Variants in PCDHA13 observed in about 807,000 individuals in gnomAD.
PCDHA13 encodes the protein protocadherin alpha 13, also known as protocadherin alpha-13.
Under a neutral mutation model 64.8 loss-of-function variants are expected in PCDHA13, and 54 were observed. That is an observed-to-expected ratio of 0.83 (90% CI 0.67 to 1.04). PCDHA13 has a LOEUF of 1.04. Among genes scored for constraint, PCDHA13 ranks in the 50% least tolerant of loss-of-function variants. PCDHA13 has a pLI of 0.00. For missense variants in PCDHA13, 1,248 were observed against 1,254.3 expected (o/e 0.99, Z 0.08); for synonymous variants, 587 against 564.4 (o/e 1.04, Z -0.57).
Position 140,884,229 on chromosome 5 carries a change from A to T in PCDHA13, c.1961A>T (p.His654Leu), listed in dbSNP as rs2060058344. The T allele has an allele frequency of 1.2e-6, 2 of 1,613,258 alleles. No individual in the cohort carries two copies. Residue 654 changes from histidine to leucine, a missense_variant, in exon 1 of 4, where the codon CAC becomes CTC. By Grantham distance (99) the His-to-Leu change is moderately conservative. Coordinates refer to ENST00000289272, the MANE Select transcript of PCDHA13 (RefSeq NM_018904.3). ...CGCCTTCTGGTGCTGGTGAAGGACC[A>T]CGGTGAGCCCGCGCTGACGGCCACG... ...HHRLLVLVKD[H>L]GEPALTATAT...
At chr5:140,952,962 C>A (rs246032) in intron 1 of PCDHA13, among the ~76,000 whole-genome samples, 85,448 of 151,620 alleles carry the variant, frequency 0.56, 24,697 homozygotes, top group African/African-American at 0.69. Context: ...GGAAGTGATA[C>A]ACACTTTTAA....
At chr5:140,971,692 C>G (rs2096492766) in intron 1 of PCDHA13, among the ~76,000 whole-genome samples, 1 of 152,116 alleles carries the variant, frequency 6.6e-6, no homozygotes, top group South Asian at 2.1e-4. Context: ...TTTGTACTCA[C>G]TAACCACCCT....
chr5:140,891,426 C>A lies in PCDHA13; in HGVS notation c.2394+6764C>A, dbSNP rs76102230. On this transcript the variant is annotated intron_variant, in intron 1 of 3. Transcript: ENST00000289272. ...CCACCCCCCACTCTTGCCCCCAAGTCCCCAACGTCCATTGTATAGGATTTT... is the reference window on the plus strand; with the variant it reads ...CCACCCCCCACTCTTGCCCCCAAGTACCCAACGTCCATTGTATAGGATTTT... Among the ~76,000 whole-genome samples, 774 of 148,652 alleles carry A rather than the reference C, an allele frequency of 5.2e-3. 4 individuals are homozygous for A. Among genetic ancestry groups the A allele is most frequent in the African/African-American group, 0.018 (747 of 40,514 alleles).
chr5:140,936,619 T>C (rs2153629684), intron 1 of PCDHA13, among the ~76,000 whole-genome samples: 1 of 152,366 alleles, frequency 6.6e-6, no homozygotes, highest in East Asian at 1.9e-4. Context: ...TACTGTGCAG[T>C]GCTACCTTTG....
intron 3 of PCDHA13, among the ~76,000 whole-genome samples, chr5:140,995,158 A>G (rs1554254485): frequency 6.6e-6 from 1 of 152,180 alleles, no homozygotes; most frequent in African/African-American, 2.4e-5. Flanking sequence ...TATATACATT[A>G]TGTTCTTTCA....
rs73793540 is a variant in PCDHA13, at chr5:140,959,705, G to T, written c.2395-19244G>T. 8.9e-3 allele frequency among the ~76,000 whole-genome samples: 1,358 copies of T among 152,238 alleles called. 14 individuals are homozygous for T. The highest frequency in any genetic ancestry group is 0.032 in the African/African-American group (1,312 of 41,544). On this transcript the variant is annotated intron_variant, in intron 1 of 3. Coordinates refer to ENST00000289272, the MANE Select transcript of PCDHA13 (RefSeq NM_018904.3). ...AATTTCAATAAAATGAGCTTTGAAA[G>T]GGAAAATTTTTAGATAACATTATCT...
chr5:140,909,117 G>T lies in PCDHA13; in HGVS notation c.2394+24455G>T, dbSNP rs576916273. Among the ~76,000 whole-genome samples the T allele has an allele frequency of 1.1e-4, 16 of 152,272 alleles. No homozygotes were observed. The South Asian group carries it at 3.1e-3, about 30-fold the overall frequency. On this transcript the variant is annotated intron_variant, in intron 1 of 3. Transcript: ENST00000289272. ...ACTCACTGGGTCCAATCAGCAAAAT[G>T]TCATCAAGGTAATGAACCAGTGTGA...
intron 1 of PCDHA13, among the ~76,000 whole-genome samples, chr5:140,900,657 C>T (rs116775770): frequency 0.011 from 1,723 of 152,294 alleles, 23 homozygotes; most frequent in African/African-American, 0.039. Context: ...CTGCAATGAA[C>T]AATGGGAGTG....
At chr5:141,003,680 T>C (rs1167133667) in intron 3 of PCDHA13, among the ~76,000 whole-genome samples, 1 of 152,198 alleles carries the variant, frequency 6.6e-6, no homozygotes, top group African/African-American at 2.4e-5. Flanking sequence ...GTTGTTCTGA[T>C]TTTAAAATAT....
At chr5:140,955,187 T>C (rs1230644276) in intron 1 of PCDHA13, among the ~76,000 whole-genome samples, 1 of 152,198 alleles carries the variant, frequency 6.6e-6, no homozygotes, top group Non-Finnish European at 1.5e-5. Flanking sequence ...TTTTGTGGTG[T>C]ATATGAAGTC....
intron 1 of PCDHA13, chr5:140,926,673 A>T (rs998903830): frequency 2.1e-5 from 12 of 580,470 alleles, no homozygotes; most frequent in Non-Finnish European, 3.2e-5. Flanking sequence ...ACGGCTGCCC[A>T]GCCTCCAGCC....
At chr5:140,993,777 G>A (rs1397168086) in intron 3 of PCDHA13, among the ~76,000 whole-genome samples, 1 of 152,042 alleles carries the variant, frequency 6.6e-6, no homozygotes, top group Non-Finnish European at 1.5e-5. Flanking sequence ...GCAGTATTTT[G>A]TACAGTAACA....
At chr5:140,887,263 A>AT (rs1336620900) in intron 1 of PCDHA13, among the ~76,000 whole-genome samples, 1 of 151,790 alleles carries the variant, frequency 6.6e-6, no homozygotes, top group Non-Finnish European at 1.5e-5. Flanking sequence ...CGCCCTGCTA[A>AT]TTTTTTGTAT....
chr5:140,906,486 A>C (rs2072686991), intron 1 of PCDHA13, among the ~76,000 whole-genome samples: 1 of 152,270 alleles, frequency 6.6e-6, no homozygotes, highest in East Asian at 1.9e-4. Context: ...GTATAAATGC[A>C]CAAACATGTT....
intron 3 of PCDHA13, among the ~76,000 whole-genome samples, chr5:140,998,062 C>A (rs2097795439): frequency 6.6e-6 from 1 of 152,176 alleles, no homozygotes; most frequent in Non-Finnish European, 1.5e-5. Flanking sequence ...TCATCATCAA[C>A]AGACTTAGCC....
At chr5:140,931,021 G>C (rs2153606770) in intron 1 of PCDHA13, among the ~76,000 whole-genome samples, 1 of 152,272 alleles carries the variant, frequency 6.6e-6, no homozygotes, top group Admixed American at 6.5e-5. Flanking sequence ...GGAATTTTCT[G>C]ATTGTAGAGC....
intron 3 of PCDHA13, among the ~76,000 whole-genome samples, chr5:141,001,281 A>T (rs1239906088): frequency 6.6e-6 from 1 of 152,168 alleles, no homozygotes; most frequent in African/African-American, 2.4e-5. Context: ...TTTTTTACGG[A>T]TGAAAACTGA....
rs548266069 is a variant in PCDHA13 at position 140,886,217 on chromosome 5, T to G, written c.2394+1555T>G. Among the ~76,000 whole-genome samples, 388 of 152,238 alleles carry G rather than the reference T, an allele frequency of 2.5e-3. 1 individual carries two copies. Among genetic ancestry groups the G allele is most frequent in the African/African-American group, 9.1e-3 (377 of 41,582 alleles). Reference sequence around the variant, plus strand: ...GTAATCTGTTCTCCATTTCTCTAATTTTGTTACTTTTACTTCAGAAATAAA... The same window carrying G: ...GTAATCTGTTCTCCATTTCTCTAATGTTGTTACTTTTACTTCAGAAATAAA... On this transcript the variant is annotated intron_variant, in intron 1 of 3. Coordinates refer to ENST00000289272, the MANE Select transcript of PCDHA13 (RefSeq NM_018904.3).
intron 1 of PCDHA13, among the ~76,000 whole-genome samples, chr5:140,958,679 A>G (rs1317780380): frequency 6.6e-6 from 1 of 152,200 alleles, no homozygotes; most frequent in Non-Finnish European, 1.5e-5. Context: ...ATTATAAAGG[A>G]TATTGAATAT....
Sources: allele counts gnomAD v4.1 joint callset (sites outside exome capture counted in the v4.1 genomes callset), GRCh38; gene constraint gnomAD v4.1.1; transcripts MANE v1.5; gene names NCBI Gene and HGNC (gene_info 2026-07-23, HGNC 2026-07-21).